The following ATP9A variants were observed in gnomAD, a reference collection of about 807,000 sequenced individuals.
ATP9A encodes ATPase phospholipid transporting 9A, also known as probable phospholipid-transporting ATPase IIA.
Under a neutral mutation model 144.1 loss-of-function variants are expected in ATP9A, and 52 were observed. The ratio of observed to expected loss-of-function variants is 0.36; its 90% CI spans 0.29 to 0.45. The LOEUF is 0.45. Among genes scored for constraint, ATP9A ranks in the 20% least tolerant of loss-of-function variants. The probability of loss-of-function intolerance (pLI) is 1.00; values close to 1 mark genes in which losing one functional copy is unlikely to be tolerated. For missense variants in ATP9A, 947 were observed against 1,392.7 expected (o/e 0.68, Z 5.09); for synonymous variants, 582 against 557.4 (o/e 1.04, Z -0.62).
intron 14 of ATP9A, among the ~76,000 whole-genome samples, chr20:51,645,306 G>A (rs2077337604): frequency 6.6e-6 from 1 of 152,150 alleles, no homozygotes; most frequent in Non-Finnish European, 1.5e-5. Context: ...GATCACCTGA[G>A]GTCAGGAGTT....
intron 14 of ATP9A, among the ~76,000 whole-genome samples, chr20:51,655,473 AT>A (rs2077383120): frequency 8.4e-6 from 1 of 118,768 alleles, no homozygotes; most frequent in Non-Finnish European, 1.8e-5. Context: ...GATAAAGGAT[AT>A]GGATAGACAT....
intron 11 of ATP9A, 27 bp from the exon 12 acceptor site, chr20:51,671,284 C>CT (rs2077454871): frequency 6.2e-7 from 1 of 1,607,204 alleles, no homozygotes; most frequent in Admixed American, 1.7e-5. Flanking sequence ...AGCAAACAGG[C>CT]TAACAGGACA....
At chr20:51,690,693 TAC>T in intron 8 of ATP9A, 44 bp downstream of exon 8, 1 of 1,504,422 alleles carries the variant, frequency 6.6e-7, no homozygotes, top group South Asian at 1.1e-5. Context: ...TTTCATCCCT[TAC>T]ACACTCCCGG....
At chr20:51,653,406 C>A (rs764511943) in intron 14 of ATP9A, among the ~76,000 whole-genome samples, 1 of 152,126 alleles carries the variant, frequency 6.6e-6, no homozygotes, top group Non-Finnish European at 1.5e-5. Context: ...GGGCAACGGG[C>A]ATTAAAGCCT....
intron 3 of ATP9A, among the ~76,000 whole-genome samples, chr20:51,717,361 C>T (rs922153574): frequency 1.3e-5 from 2 of 152,018 alleles, no homozygotes; most frequent in Admixed American, 6.6e-5. Context: ...AGGAAATCAG[C>T]GATGGTCACC....
intron 17 of ATP9A, among the ~76,000 whole-genome samples, chr20:51,627,166 G>C (rs2077252530): frequency 8.3e-6 from 1 of 120,518 alleles, no homozygotes; most frequent in African/African-American, 2.7e-5. Context: ...TGGATAAGAT[G>C]AATGTTAAAA....
intron 12 of ATP9A, among the ~76,000 whole-genome samples, chr20:51,670,362 G>A (rs2077450917): frequency 6.6e-6 from 1 of 152,210 alleles, no homozygotes; most frequent in Non-Finnish European, 1.5e-5. Context: ...CAAGAGGACT[G>A]TCAATCAGGG....
rs542215843 is a variant in ATP9A at position 51,675,156 on chromosome 20, A to C, written c.877-843T>G. Among the ~76,000 whole-genome samples, 7 of 152,306 alleles carry C rather than the reference A, an allele frequency of 4.6e-5. No homozygotes were observed. The South Asian group carries it at 1.5e-3, about 32-fold the overall frequency. On this transcript the variant is annotated intron_variant, in intron 10 of 27. Coordinates refer to ENST00000338821, the MANE Select transcript of ATP9A (RefSeq NM_006045.3). ...TAATAATACATTTATCTTCATGTCT[A>C]GTCTTTTAAAAAGTAACAAATCATA...
At chr20:51,635,885 G>T (rs2122741251) in intron 15 of ATP9A, among the ~76,000 whole-genome samples, 1 of 104,310 alleles carries the variant, frequency 9.6e-6, no homozygotes, top group South Asian at 3.5e-4. Flanking sequence ...GGGAGGAGGG[G>T]AGGGGAGGGG....
chr20:51,712,113 C>T (rs1429462906), intron 4 of ATP9A, among the ~76,000 whole-genome samples: 1 of 149,508 alleles, frequency 6.7e-6, no homozygotes, highest in East Asian at 2.0e-4. Context: ...CGCTCTGTCG[C>T]CCAGGCTGGA....
At chr20:51,713,188 G>C in intron 3 of ATP9A, 114 bp from the exon 4 acceptor site, 1 of 875,596 alleles carries the variant, frequency 1.1e-6, no homozygotes, top group South Asian at 1.4e-5. Flanking sequence ...GGAGGGCAGG[G>C]GGGCAGGACC....
At chr20:51,709,053 AT>A (rs1405417072) in intron 4 of ATP9A, among the ~76,000 whole-genome samples, 1 of 152,212 alleles carries the variant, frequency 6.6e-6, no homozygotes, top group African/African-American at 2.4e-5. Flanking sequence ...TTGATGCTCA[AT>A]TTATTTGATT....
chr20:51,656,698 T>G (rs960476024), intron 14 of ATP9A, among the ~76,000 whole-genome samples: 2 of 152,206 alleles, frequency 1.3e-5, no homozygotes, highest in African/African-American at 2.4e-5. Context: ...TATGCTGGCC[T>G]TTTGAGTTAC....
At chr20:51,608,459 G>A in intron 25 of ATP9A, 59 bp downstream of exon 25, 1 of 1,098,596 alleles carries the variant, frequency 9.1e-7, no homozygotes, top group South Asian at 1.2e-5. Flanking sequence ...GGGAGGGAGG[G>A]AAGGAAGGGA....
chr20:51,756,208 C>G (rs183450854), intron 1 of ATP9A, among the ~76,000 whole-genome samples: 1,874 of 151,972 alleles, frequency 0.012, 16 homozygotes, highest in Non-Finnish European at 0.02. Flanking sequence ...CCTGAGGCCT[C>G]TCTCCTTGGC....
chr20:51,694,033 C>G lies in ATP9A; in HGVS notation c.617G>C (p.Cys206Ser). The stretch of plus-strand genomic sequence containing the variant: ...GGCGGCCGTGGGGAGCCTCTGCGTG[C>G]AGGCCACGGGAAGCCGCAGCTTCCA... Reference protein sequence around the residue: ...TDWKLRLPVACTQRLPTAADL... With the variant: ...TDWKLRLPVASTQRLPTAADL... Residue 206 changes from cysteine (C) to serine (S), a missense_variant, in exon 7 of 28, where the codon TGC (cysteine) becomes TCC (serine). Around this residue, in one of 2 missense-constraint regions of ATP9A, gnomAD observed 770 missense variants for 1,047.9 expected, o/e 0.73. Coordinates refer to ENST00000338821, the MANE Select transcript of ATP9A (RefSeq NM_006045.3). 2 of 1,613,910 alleles carry G rather than the reference C, an allele frequency of 1.2e-6. No homozygotes were observed. The highest frequency in any genetic ancestry group is 1.7e-6 in the Non-Finnish European group (2 of 1,179,938).
intron 14 of ATP9A, among the ~76,000 whole-genome samples, chr20:51,646,704 A>C (rs1432381393): frequency 6.6e-6 from 1 of 151,856 alleles, no homozygotes; most frequent in Non-Finnish European, 1.5e-5. Context: ...CTTGAGAAAA[A>C]CTAATTTTGA....
At chr20:51,690,635 C>T (rs950717457) in intron 8 of ATP9A, 104 bp downstream of exon 8, 1 of 979,112 alleles carries the variant, frequency 1.0e-6, no homozygotes. Context: ...CCCCACCTGG[C>T]ATGAAACAAC....
chr20:51,733,995 A>T (rs527807573), intron 1 of ATP9A, among the ~76,000 whole-genome samples: 69 of 151,838 alleles, frequency 4.5e-4, no homozygotes, highest in African/African-American at 1.6e-3. Flanking sequence ...TTCTTTTCTT[A>T]AGATGGGGTC....
Sources: gnomAD v4.1 joint callset for allele counts (sites outside exome capture counted in the v4.1 genomes callset) on GRCh38, gnomAD v4.1.1 for gene constraint, gnomAD v4.1.1 regional missense constraint, MANE v1.5 for transcripts, NCBI Gene and HGNC (gene_info 2026-07-23, HGNC 2026-07-21) for gene names.